CIRSR: variants seen among roughly 807,000 people sequenced by gnomAD.
CIRSR encodes the protein corepressor of RBPJ and splicing regulator, also known as CBF1 (RBPJ) interacting corepressor 1.
the CIRSR span, among the ~76,000 whole-genome samples, chr2:174,377,881 T>C: frequency 7.6e-6 from 1 of 131,722 alleles, no homozygotes; most frequent in Non-Finnish European, 1.6e-5. Flanking sequence ...AAACCCCTAA[T>C]AGGAGAACTG....
At chr2:174,351,366 C>T in the CIRSR span, among the ~76,000 whole-genome samples, 1 of 152,146 alleles carries the variant, frequency 6.6e-6, no homozygotes, top group Non-Finnish European at 1.5e-5. Flanking sequence ...ACAACCTCAT[C>T]ACCAGTTCAG....
chr2:174,364,501 G>T, the CIRSR span, among the ~76,000 whole-genome samples: 1 of 152,174 alleles, frequency 6.6e-6, no homozygotes, highest in Non-Finnish European at 1.5e-5. Context: ...TGTGTGGGGG[G>T]CTCCAACCCC....
chr2:174,353,269 T>G, the CIRSR span, among the ~76,000 whole-genome samples: 1 of 152,234 alleles, frequency 6.6e-6, no homozygotes, highest in African/African-American at 2.4e-5. Flanking sequence ...CTTATATTAA[T>G]ATTTCATTTT....
chr2:174,381,911 T>C, the CIRSR span: 1 of 605,264 alleles, frequency 1.7e-6, no homozygotes, highest in Non-Finnish European at 2.9e-6. Context: ...TCTAAAACTT[T>C]ACTCCACTAA....
the CIRSR span, among the ~76,000 whole-genome samples, chr2:174,382,324 C>G: frequency 6.6e-6 from 1 of 152,168 alleles, no homozygotes; most frequent in African/African-American, 2.4e-5. Context: ...AAAATTCTTT[C>G]GTGAGGCCAG....
chr2:174,377,832 A>AAAAC, the CIRSR span, among the ~76,000 whole-genome samples: 1 of 151,280 alleles, frequency 6.6e-6, no homozygotes, highest in Middle Eastern at 3.2e-3. Flanking sequence ...CTCAAAAAAA[A>AAAAC]AAAAAAAAAA....
At chr2:174,362,598 G>A in the CIRSR span, among the ~76,000 whole-genome samples, 1 of 142,052 alleles carries the variant, frequency 7.0e-6, no homozygotes, top group East Asian at 2.1e-4. Context: ...CAGGAGAATG[G>A]CATGAACCCG....
chr2:174,373,327 C>G, the CIRSR span, among the ~76,000 whole-genome samples: 181 of 152,240 alleles, frequency 1.2e-3, no homozygotes, highest in Non-Finnish European at 2.1e-3. Flanking sequence ...TTAATTCAGT[C>G]GGCTAGTTAT....
At chr2:174,393,318 G>A in the CIRSR span, among the ~76,000 whole-genome samples, 2 of 152,094 alleles carry the variant, frequency 1.3e-5, no homozygotes, top group African/African-American at 4.8e-5. Context: ...ATAAATGATT[G>A]AGGCAGCGCA....
At chr2:174,377,824 CAAAAAA>C in the CIRSR span, among the ~76,000 whole-genome samples, 1 of 60,056 alleles carries the variant, frequency 1.7e-5, no homozygotes, top group Non-Finnish European at 2.9e-5. Context: ...GACGCCATCT[CAAAAAA>C]AAAAAAAAAA....
the CIRSR span, among the ~76,000 whole-genome samples, chr2:174,362,305 CAACAAAAACAAA>C: frequency 1.3e-4 from 19 of 150,276 alleles, no homozygotes; most frequent in East Asian, 1.2e-3. Context: ...GACCTTTTCT[CAACAAAAACAAA>C]AACAAAAACA....
the CIRSR span, among the ~76,000 whole-genome samples, chr2:174,368,475 A>G: frequency 2.0e-5 from 3 of 152,214 alleles, no homozygotes; most frequent in South Asian, 6.2e-4. Flanking sequence ...AAATAAACAC[A>G]GGAGTCAAAA....
the CIRSR span, among the ~76,000 whole-genome samples, chr2:174,366,934 C>T: frequency 9.9e-5 from 15 of 151,942 alleles, no homozygotes; most frequent in East Asian, 1.9e-3. Context: ...CTAGGGCAAT[C>T]GCTAAAAAAA....
chr2:174,376,251 C>T, the CIRSR span, among the ~76,000 whole-genome samples: 1 of 152,134 alleles, frequency 6.6e-6, no homozygotes, highest in Non-Finnish European at 1.5e-5. Flanking sequence ...CTTCTCCCAC[C>T]CAGGTGCTCA....
At chr2:174,349,564 TA>T in the CIRSR span, among the ~76,000 whole-genome samples, 28,072 of 105,006 alleles carry the variant, frequency 0.27, 3,142 homozygotes, top group Middle Eastern at 0.41. Flanking sequence ...GACTCTGTCT[TA>T]AAAAAAAAAA....
the CIRSR span, chr2:174,351,931 C>A: frequency 3.6e-5 from 15 of 413,362 alleles, no homozygotes; most frequent in East Asian, 1.2e-4. Flanking sequence ...TTTTTCTTTA[C>A]GTGCAAGGGG....
the CIRSR span, among the ~76,000 whole-genome samples, chr2:174,389,893 G>C: frequency 2.0e-5 from 3 of 152,238 alleles, no homozygotes; most frequent in African/African-American, 4.8e-5. Flanking sequence ...CACGTGCGCA[G>C]AAGGCAAGAA....
chr2:174,395,693 G>C, the CIRSR span: 1 of 1,612,672 alleles, frequency 6.2e-7, no homozygotes, highest in Non-Finnish European at 8.5e-7. Flanking sequence ...CCGCCTAACC[G>C]GAACTGCGTT....
chr2:174,361,504 C>T, the CIRSR span, among the ~76,000 whole-genome samples: 6 of 152,262 alleles, frequency 3.9e-5, no homozygotes, highest in African/African-American at 1.4e-4. Flanking sequence ...TCCCAAGCAA[C>T]AAAAATGCCT....
Sources: gnomAD v4.1 joint callset for allele counts (sites outside exome capture counted in the v4.1 genomes callset) on GRCh38, gnomAD v4.1.1 for gene constraint, MANE v1.5 for transcripts, NCBI Gene and HGNC (gene_info 2026-07-23, HGNC 2026-07-21) for gene names.